PDPK1: variants seen among roughly 807,000 people sequenced by gnomAD.
PDPK1 encodes the protein 3-phosphoinositide dependent protein kinase 1.
PDPK1 carries 7 observed loss-of-function variants against 39.8 expected under a neutral mutation model. The ratio of observed to expected loss-of-function variants is 0.18; its 90% confidence interval spans 0.10 to 0.33. The LOEUF is 0.33. Among genes scored for constraint, PDPK1 ranks in the 10% least tolerant of loss-of-function variants. The pLI is 1.00. For synonymous variants in PDPK1, 118 were observed against 159.1 expected (o/e 0.74, Z 1.95); for missense variants, 182 against 384.7 (o/e 0.47, Z 4.41).
At position 2,599,961 on chromosome 16, in the gene PDPK1, A is replaced by G. The variant is rs2067183512; in HGVS notation, c.*2194A>G. The G allele has an allele frequency of 8.6e-6, 2 of 233,356 alleles. No individual in the cohort carries two copies. The highest frequency in any genetic ancestry group is 1.2e-4 in the East Asian group (2 of 16,598). The allele number at this position is 233,356 out of a possible 1,614,324, so 14.5% of individuals were successfully genotyped here. On this transcript the variant is annotated 3_prime_UTR_variant, in exon 14 of 14. Transcript: ENST00000342085. Reference sequence around the variant, plus strand: ...TCCAAAGCCACAGAACTAGGGGCTCAGAGCCAGAGCTGGCAGCCGCCAGCC... The same window carrying G: ...TCCAAAGCCACAGAACTAGGGGCTCGGAGCCAGAGCTGGCAGCCGCCAGCC...
chr16:2,552,189 C>T (rs1319436321), intron 1 of PDPK1, among the ~76,000 whole-genome samples: 1 of 149,318 alleles, frequency 6.7e-6, no homozygotes, highest in African/African-American at 2.5e-5. Context: ...ACAGACTGGT[C>T]TTGGACTCCT....
intron 11 of PDPK1, among the ~76,000 whole-genome samples, chr16:2,588,162 C>T (rs1242331542): frequency 6.6e-6 from 1 of 152,194 alleles, no homozygotes; most frequent in South Asian, 2.1e-4. Flanking sequence ...CTATGCGGTT[C>T]GCCACACCTG....
chr16:2,602,939 C>T lies in PDPK1; in HGVS notation c.*5172C>T, dbSNP rs556860773. 295 of 232,192 alleles carry T rather than the reference C, an allele frequency of 1.3e-3. 1 individual carries two copies. The highest frequency in any genetic ancestry group is 5.8e-3 in the African/African-American group (265 of 45,358). 14.4% of individuals were successfully genotyped at this position (232,192 alleles called of 1,614,324 possible). A position where few individuals can be genotyped will look rare whatever the true frequency, so the allele number is the denominator to read the frequency against. On this transcript the variant is annotated 3_prime_UTR_variant, in exon 14 of 14. Coordinates refer to ENST00000342085, the MANE Select transcript of PDPK1 (RefSeq NM_002613.5). ...GAATTATTTGAATTGAATTCATGTT[C>T]GGGGCCACGTTGTTGTATGTATTGA...
chr16:2,557,953 CTTT>C lies in PDPK1; in HGVS notation c.278_280del (p.Phe93del), dbSNP rs2066533677. 1 of 1,612,490 alleles carries C rather than the reference CTTT, an allele frequency of 6.2e-7. No homozygotes were observed. The highest frequency in any genetic ancestry group is 1.1e-5 in the South Asian group (1 of 91,050). On this transcript the variant is annotated inframe_deletion, in exon 2 of 14. Coordinates refer to ENST00000342085, the MANE Select transcript of PDPK1 (RefSeq NM_002613.5). ...TTTGGGAAAATCCTTGGGGAAGGCT[CTTT>C]TTCCACGGTGAGTATTTGCTGCTGC...
At position 2,601,806 on chromosome 16, in the gene PDPK1, G is replaced by A. The variant is rs1272136134; in HGVS notation, c.*4039G>A. The stretch of plus-strand genomic sequence containing the variant: ...TCCCAGCTGGTGTAGATTTCAGGCC[G>A]CCCCCCCCAACTCCCTGCCCACAGT... On this transcript the variant is annotated 3_prime_UTR_variant, in exon 14 of 14. Transcript: ENST00000342085. The A allele has an allele frequency of 1.4e-5, 3 of 220,150 alleles. No homozygotes were observed. The highest frequency in any genetic ancestry group is 2.7e-5 in the Non-Finnish European group (3 of 110,396). The allele number at this position is 220,150 out of a possible 1,614,324, so 13.6% of individuals were successfully genotyped here.
intron 6 of PDPK1, among the ~76,000 whole-genome samples, chr16:2,573,797 ATTTTTTT>A (rs71148141): frequency 9.9e-6 from 1 of 101,282 alleles, no homozygotes; most frequent in African/African-American, 4.5e-5. Flanking sequence ...TTCTGTTTTT[ATTTTTTT>A]TTTTTTTGAG....
chr16:2,542,240 A>G (rs919242175), intron 1 of PDPK1, among the ~76,000 whole-genome samples: 2 of 152,154 alleles, frequency 1.3e-5, no homozygotes. Context: ...GCTCACTGCA[A>G]CCTCCGCCTC....
In PDPK1 at chr16:2,599,741, ACGTCCTGTGTCTCC is replaced by A; in HGVS notation, c.*1975_*1988del. On this transcript the variant is annotated 3_prime_UTR_variant, in exon 14 of 14. Coordinates refer to ENST00000342085, the MANE Select transcript of PDPK1 (RefSeq NM_002613.5). ...CATCAGCTATTTTACCCATCTCAGAACGTCCTGTGTCTCCATGTAGGAGAGTGGCTCTCTCAGAT... is the reference window on the plus strand; with the variant it reads ...CATCAGCTATTTTACCCATCTCAGAAATGTAGGAGAGTGGCTCTCTCAGAT... The A allele has an allele frequency of 4.3e-6, 1 of 233,500 alleles. No homozygotes were observed. 14.5% of individuals were successfully genotyped at this position (233,500 alleles called of 1,614,324 possible).
chr16:2,590,903 C>T (rs947228871), intron 11 of PDPK1, among the ~76,000 whole-genome samples: 17 of 151,814 alleles, frequency 1.1e-4, no homozygotes, highest in African/African-American at 4.1e-4. Context: ...TCGCTTATGA[C>T]TTCCCAAAGT....
At chr16:2,585,284 C>T (rs765764643) in intron 10 of PDPK1, among the ~76,000 whole-genome samples, 1 of 152,214 alleles carries the variant, frequency 6.6e-6, no homozygotes, top group Non-Finnish European at 1.5e-5. Context: ...GATGGCCCAT[C>T]CTTAGCTCTG....
intron 7 of PDPK1, among the ~76,000 whole-genome samples, chr16:2,578,116 G>GC (rs1188621809): frequency 6.7e-6 from 1 of 149,116 alleles, no homozygotes; most frequent in Admixed American, 6.7e-5. Flanking sequence ...CCTTGGTGCT[G>GC]CCCCCCGTCG....
intron 11 of PDPK1, among the ~76,000 whole-genome samples, chr16:2,587,364 C>T (rs1322832582): frequency 6.6e-6 from 1 of 152,180 alleles, no homozygotes; most frequent in African/African-American, 2.4e-5. Flanking sequence ...AATGCTCTTG[C>T]CTGCCTGAGA....
chr16:2,588,431 C>G (rs773865683), intron 11 of PDPK1, among the ~76,000 whole-genome samples: 2 of 152,156 alleles, frequency 1.3e-5, no homozygotes, highest in Admixed American at 6.5e-5. Flanking sequence ...ACTCCAAGTA[C>G]TTGGCCAGGA....
chr16:2,591,988 C>T (rs1050125568), intron 11 of PDPK1, among the ~76,000 whole-genome samples: 1 of 152,166 alleles, frequency 6.6e-6, no homozygotes, highest in African/African-American at 2.4e-5. Flanking sequence ...ACCTGGGGCC[C>T]GTCCGCCATT....
At position 2,600,355 on chromosome 16, in the gene PDPK1, C is replaced by T. The variant is rs1359585514; in HGVS notation, c.*2588C>T. 1.7e-5 allele frequency: 4 copies of T among 233,012 alleles called. No individual in the cohort carries two copies. The highest frequency in any genetic ancestry group is 1.8e-4 in the South Asian group (1 of 5,532). The allele number at this position is 233,012 out of a possible 1,614,324, so 14.4% of individuals were successfully genotyped here. ...GTCGGGACCACACTGTGCGGCTTCT[C>T]GGCACAAAGCGGAGGGAGGCTGTGG... On this transcript the variant is annotated 3_prime_UTR_variant, in exon 14 of 14. Coordinates refer to ENST00000342085, the MANE Select transcript of PDPK1 (RefSeq NM_002613.5).
At chr16:2,542,552 C>G (rs1388669709) in intron 1 of PDPK1, among the ~76,000 whole-genome samples, 1 of 152,130 alleles carries the variant, frequency 6.6e-6, no homozygotes, top group East Asian at 1.9e-4. Context: ...ATGGACAAGC[C>G]TGACATTAGC....
rs762903679 is a variant in PDPK1 at position 2,586,915 on chromosome 16, C to T, written c.1343+22C>T. 5 of 1,605,118 alleles carry T rather than the reference C, an allele frequency of 3.1e-6. No homozygotes were observed. The South Asian group carries it at 5.5e-5, about 18-fold the overall frequency. On this transcript the variant is annotated intron_variant, in intron 11 of 13. Coordinates refer to ENST00000342085, the MANE Select transcript of PDPK1 (RefSeq NM_002613.5). ...CTTGGTAAGAACTTATGGACATAAG[C>T]AATGCTTTTTGCAGAATTGCAGCGT...
chr16:2,576,932 G>A (rs1374470514), intron 6 of PDPK1: 1 of 198,142 alleles, frequency 5.0e-6, no homozygotes, highest in Non-Finnish European at 1.0e-5. Flanking sequence ...GGTGGCCCTG[G>A]GCCAGCTCGT....
chr16:2,538,638 G>A (rs1386992976), intron 1 of PDPK1: 2 of 1,288,942 alleles, frequency 1.6e-6, no homozygotes, highest in East Asian at 5.5e-5. Context: ...GACAGTGGTC[G>A]GGAAAACTCG....
Sources: gnomAD v4.1 joint callset for allele counts (sites outside exome capture counted in the v4.1 genomes callset) on GRCh38, gnomAD v4.1.1 for gene constraint, MANE v1.5 for transcripts, NCBI Gene and HGNC (gene_info 2026-07-23, HGNC 2026-07-21) for gene names.